Variants in CNTLN observed in about 807,000 individuals in gnomAD.
CNTLN encodes the protein centlein.
Under a neutral mutation model 180.0 loss-of-function variants are expected in CNTLN, and 212 were observed. The observed-to-expected ratio is 1.18, with a 90% CI of 1.05 to 1.32. The LOEUF is 1.32. CNTLN is among the 40% of genes most tolerant of loss of function. The pLI, the probability that CNTLN is intolerant of heterozygous loss-of-function variation, is 0.00. For synonymous variants in CNTLN, 722 were observed against 563.1 expected (o/e 1.28, Z -3.99); for missense variants, 2,095 against 1,610.9 (o/e 1.30, Z -5.14).
At chr9:17,334,015 G>A (rs1433319188) in intron 10 of CNTLN, among the ~76,000 whole-genome samples, 1 of 152,098 alleles carries the variant, frequency 6.6e-6, no homozygotes, top group East Asian at 1.9e-4. Context: ...AGGATATTAT[G>A]GGCATTTTTG....
intron 5 of CNTLN, among the ~76,000 whole-genome samples, chr9:17,239,588 T>A (rs1415823907): frequency 1.3e-5 from 2 of 152,014 alleles, no homozygotes; most frequent in South Asian, 4.2e-4. Context: ...GTTCTAGGAG[T>A]TTTATAGTTT....
chr9:17,506,071 T>C (rs1450398987), downstream of CNTLN, among the ~76,000 whole-genome samples: 1 of 50,328 alleles, frequency 2.0e-5, no homozygotes, highest in African/African-American at 4.9e-5. Context: ...CAGTTGGGCA[T>C]CTTGGGTTAA....
chr9:17,381,412 C>A (rs781317416), intron 13 of CNTLN, among the ~76,000 whole-genome samples: 28 of 152,220 alleles, frequency 1.8e-4, no homozygotes, highest in Non-Finnish European at 3.4e-4. Flanking sequence ...TCTGCACTGA[C>A]ACCTCCTCAC....
intron 2 of CNTLN, among the ~76,000 whole-genome samples, chr9:17,202,211 ATTTCTGTTTG>A (rs1426541007): frequency 2.0e-5 from 3 of 152,030 alleles, no homozygotes; most frequent in Non-Finnish European, 4.4e-5. Flanking sequence ...GTTTATTATG[ATTTCTGTTTG>A]TTTGCATTTG....
intron 2 of CNTLN, among the ~76,000 whole-genome samples, chr9:17,184,956 G>A (rs1020621967): frequency 1.8e-4 from 28 of 152,122 alleles, no homozygotes; most frequent in African/African-American, 6.5e-4. Flanking sequence ...GTGTATTTTT[G>A]GATATCCTCT....
At chr9:17,488,793 G>C (rs1199888545) in intron 25 of CNTLN, among the ~76,000 whole-genome samples, 2 of 152,118 alleles carry the variant, frequency 1.3e-5, no homozygotes, top group Admixed American at 1.3e-4. Flanking sequence ...TTGCCAGGCA[G>C]TATTGATTTA....
At chr9:17,324,210 C>T (rs566833098) in intron 8 of CNTLN, among the ~76,000 whole-genome samples, 4 of 151,982 alleles carry the variant, frequency 2.6e-5, no homozygotes, top group South Asian at 2.1e-4. Flanking sequence ...GCTTATACCC[C>T]GAAGTCACAT....
intron 2 of CNTLN, among the ~76,000 whole-genome samples, chr9:17,195,151 T>C (rs1822049147): frequency 6.6e-6 from 1 of 152,172 alleles, no homozygotes; most frequent in Non-Finnish European, 1.5e-5. Context: ...TAAAGTAATA[T>C]GTTACTTTGT....
chr9:17,477,468 A>G (rs1292759799), intron 23 of CNTLN, among the ~76,000 whole-genome samples: 1 of 152,226 alleles, frequency 6.6e-6, no homozygotes, highest in East Asian at 1.9e-4. Context: ...GAAAGGATTC[A>G]CCATTCTAGA....
At chr9:17,374,541 G>A (rs761710795) in intron 13 of CNTLN, among the ~76,000 whole-genome samples, 8 of 152,266 alleles carry the variant, frequency 5.3e-5, no homozygotes, top group Admixed American at 1.3e-4. Context: ...CAACTACTAT[G>A]GAGAACAGTT....
At chr9:17,272,965 T>C (rs979016084) in intron 5 of CNTLN, among the ~76,000 whole-genome samples, 5 of 152,124 alleles carry the variant, frequency 3.3e-5, no homozygotes, top group African/African-American at 1.2e-4. Flanking sequence ...TAAACCTTTG[T>C]TATTTATCTA....
chr9:17,204,904 G>T (rs1307062038), intron 2 of CNTLN, among the ~76,000 whole-genome samples: 5 of 152,190 alleles, frequency 3.3e-5, no homozygotes, highest in Non-Finnish European at 5.9e-5. Flanking sequence ...GAGAAATCTA[G>T]AGTAGCAGTC....
At chr9:17,220,799 G>A (rs1824082526) in intron 2 of CNTLN, among the ~76,000 whole-genome samples, 1 of 151,596 alleles carries the variant, frequency 6.6e-6, no homozygotes, top group African/African-American at 2.4e-5. Context: ...TAGCTTTGTA[G>A]TATTCCACAG....
At chr9:17,290,646 C>T (rs1434946308) in intron 6 of CNTLN, among the ~76,000 whole-genome samples, 1 of 148,820 alleles carries the variant, frequency 6.7e-6, no homozygotes, top group Non-Finnish European at 1.5e-5. Context: ...GACTGCTGTG[C>T]TAGCAATCAG....
rs11523044 is a variant in CNTLN at position 17,259,414 on chromosome 9, C to G, written c.850-14319C>G. ...GAGGATTTTTGCATCAATGTTCATC[C>G]GGGATATTGGTCTAAAATTCTCTTT... On this transcript the variant is annotated intron_variant, in intron 5 of 25. Coordinates refer to ENST00000380647, the MANE Select transcript of CNTLN (RefSeq NM_017738.4). Among the ~76,000 whole-genome samples, 261 of 128,136 alleles carry G rather than the reference C, an allele frequency of 2.0e-3. 10 individuals carry two copies. The highest frequency in any genetic ancestry group is 0.017 in the East Asian group (70 of 4,162). The allele number at this position is 128,136 out of a possible 152,430, so 84.1% of individuals were successfully genotyped here.
At chr9:17,317,789 G>A (rs1025909559) in intron 8 of CNTLN, among the ~76,000 whole-genome samples, 1 of 152,168 alleles carries the variant, frequency 6.6e-6, no homozygotes, top group Non-Finnish European at 1.5e-5. Context: ...AGCTTGCCTA[G>A]TAAGGAGGCG....
At chr9:17,522,439 A>G in the CNTLN span, among the ~76,000 whole-genome samples, 2 of 152,162 alleles carry the variant, frequency 1.3e-5, no homozygotes, top group African/African-American at 4.8e-5. Flanking sequence ...CAAACCCTTT[A>G]CTGCTATGCC....
At chr9:17,444,551 A>G (rs1830294149) in intron 18 of CNTLN, among the ~76,000 whole-genome samples, 1 of 152,138 alleles carries the variant, frequency 6.6e-6, no homozygotes, top group African/African-American at 2.4e-5. Flanking sequence ...CAAATTTCCA[A>G]AATACACACA....
Position 17,366,622 on chromosome 9 carries a change from A to G in CNTLN, c.1892A>G (p.Asn631Ser). 1 of 1,481,016 alleles carries G rather than the reference A, an allele frequency of 6.8e-7. No individual in the cohort carries two copies. Among genetic ancestry groups the G allele is most frequent in the Non-Finnish European group, 9.4e-7 (1 of 1,069,114 alleles). 91.7% of individuals were successfully genotyped at this position (1,481,016 alleles called of 1,614,324 possible). A position where few individuals can be genotyped will look rare whatever the true frequency, so the allele number is the denominator to read the frequency against. The change falls in exon 13 of 26, where the codon AAT becomes AGT. Residue 631 changes from asparagine to serine, a missense_variant. Asn to Ser is a conservative substitution (Grantham distance 46, BLOSUM62 1). Transcript: ENST00000380647. ...TGTTTATTGCTTTTTCATAGGATGA[A>G]TCTTGAAGAAGAATTAGATGAACTT... ...ENQELMIQKM[N>S]LEEELDELKV...
Sources: gnomAD v4.1 joint callset for allele counts (sites outside exome capture counted in the v4.1 genomes callset) on GRCh38, gnomAD v4.1.1 for gene constraint, MANE v1.5 for transcripts, NCBI Gene and HGNC (gene_info 2026-07-23, HGNC 2026-07-21) for gene names.